LRRC37A2: variants seen among roughly 807,000 people sequenced by gnomAD.
LRRC37A2 encodes leucine-rich repeat-containing protein 37A2.
Under a neutral mutation model 68.8 loss-of-function variants are expected in LRRC37A2, and 9 were observed. The ratio of observed to expected loss-of-function variants is 0.13; its 90% CI spans 0.08 to 0.23. The LOEUF is 0.23. Ranked by LOEUF, LRRC37A2 falls within the 10% of genes least tolerant of loss-of-function variation. The probability of loss-of-function intolerance (pLI) is 1.00; values close to 1 mark genes in which losing one functional copy is unlikely to be tolerated. For missense variants in LRRC37A2, 168 were observed against 950.4 expected, an observed-to-expected ratio of 0.18 and a Z score of 10.82; for synonymous variants, 63 against 367.6, an observed-to-expected ratio of 0.17 and a Z score of 9.48.
chr17:46,987,486 T>G, the LRRC37A2 span, among the ~76,000 whole-genome samples: 3 of 152,140 alleles, frequency 2.0e-5, no homozygotes, highest in African/African-American at 7.2e-5. Flanking sequence ...AAGAAAAAAA[T>G]TATATTTTTT....
At chr17:46,755,269 T>C in the LRRC37A2 span, 1 of 1,453,398 alleles carries the variant, frequency 6.9e-7, no homozygotes, top group East Asian at 2.3e-5. Flanking sequence ...GCAGAGTTGT[T>C]AGAAGGTACC....
At chr17:46,865,036 A>C in the LRRC37A2 span, among the ~76,000 whole-genome samples, 42 of 152,166 alleles carry the variant, frequency 2.8e-4, no homozygotes, top group African/African-American at 1.0e-3. Flanking sequence ...GAGGTGATGG[A>C]TCCTTCTTTG....
chr17:46,768,172 C>G, the LRRC37A2 span: 1 of 1,246,664 alleles, frequency 8.0e-7, no homozygotes, highest in Non-Finnish European at 1.1e-6. This position sits in a 1 kb window ranked among gnomAD's most constrained non-coding sequence, Gnocchi z 5.0. Flanking sequence ...AAAATCCTAG[C>G]TTCCTATTTT....
the LRRC37A2 span, chr17:46,941,107 A>C: frequency 9.8e-7 from 1 of 1,025,492 alleles, no homozygotes; most frequent in Non-Finnish European, 1.2e-6. Flanking sequence ...TTGTGATTTA[A>C]AACAGGTGGG....
the LRRC37A2 span, among the ~76,000 whole-genome samples, chr17:46,977,235 C>T: frequency 6.6e-6 from 1 of 152,202 alleles, no homozygotes; most frequent in African/African-American, 2.4e-5. Flanking sequence ...CTAAAAGCAG[C>T]TAAGACTTCA....
the LRRC37A2 span, among the ~76,000 whole-genome samples, chr17:46,786,178 T>C: frequency 2.0e-5 from 3 of 149,936 alleles, no homozygotes; most frequent in Non-Finnish European, 4.4e-5. Flanking sequence ...CATGGAGCAG[T>C]CTGGTGGGAC....
chr17:46,497,992 G>A, the LRRC37A2 span, among the ~76,000 whole-genome samples: 2 of 149,024 alleles, frequency 1.3e-5, no homozygotes, highest in African/African-American at 2.6e-5. Flanking sequence ...GCAGTGGCAC[G>A]ATCTTGGCTC....
At chr17:46,684,309 T>C in the LRRC37A2 span, among the ~76,000 whole-genome samples, 2 of 129,452 alleles carry the variant, frequency 1.5e-5, no homozygotes, top group South Asian at 5.9e-4. Flanking sequence ...CATGAACTCA[T>C]CTGTTTTTAT....
the LRRC37A2 span, among the ~76,000 whole-genome samples, chr17:46,863,105 T>C: frequency 3.4e-5 from 2 of 59,578 alleles, no homozygotes; most frequent in African/African-American, 1.5e-4. Context: ...CAATCAGTCG[T>C]GGGCTAGGGA....
the LRRC37A2 span, among the ~76,000 whole-genome samples, chr17:46,974,084 G>A: frequency 1.3e-5 from 2 of 152,338 alleles, no homozygotes; most frequent in East Asian, 1.9e-4. Context: ...TACTTCCCCC[G>A]TTCTAGGGGA....
At chr17:46,705,353 A>G in the LRRC37A2 span, among the ~76,000 whole-genome samples, 1 of 150,886 alleles carries the variant, frequency 6.6e-6, no homozygotes, top group African/African-American at 2.4e-5. Context: ...TTCTCTGACT[A>G]CTATAGTTTC....
the LRRC37A2 span, among the ~76,000 whole-genome samples, chr17:46,942,701 C>T: frequency 6.6e-6 from 1 of 152,234 alleles, no homozygotes; most frequent in South Asian, 2.1e-4. Context: ...TCAGGCCTTG[C>T]CCCTAGGGGG....
At chr17:46,800,861 G>C in the LRRC37A2 span, among the ~76,000 whole-genome samples, 246 of 152,304 alleles carry the variant, frequency 1.6e-3, no homozygotes, top group African/African-American at 5.6e-3. Flanking sequence ...CTGAGGGAAG[G>C]CTGCGCAGAG....
At chr17:46,760,457 C>T in the LRRC37A2 span, among the ~76,000 whole-genome samples, 1 of 150,394 alleles carries the variant, frequency 6.6e-6, no homozygotes, top group Non-Finnish European at 1.5e-5. Flanking sequence ...ATAGCAAGAC[C>T]TCATCTCTAA....
chr17:46,915,032 T>G, the LRRC37A2 span, among the ~76,000 whole-genome samples: 2 of 152,238 alleles, frequency 1.3e-5, no homozygotes, highest in African/African-American at 4.8e-5. Context: ...TGGTTATCTA[T>G]TGCTGCATAA....
chr17:46,542,532 G>GATAT (rs1024761002), intron 8 of LRRC37A2, among the ~76,000 whole-genome samples: 6 of 146,170 alleles, frequency 4.1e-5, no homozygotes, highest in Non-Finnish European at 5.9e-5. Context: ...TATAGATATA[G>GATAT]ATATATATAT....
chr17:46,923,084 G>C, the LRRC37A2 span: 4 of 785,094 alleles, frequency 5.1e-6, no homozygotes, highest in South Asian at 2.9e-5. Flanking sequence ...AGCCCTGGCC[G>C]GCAGGGGAGG....
At chr17:46,765,144 T>C in the LRRC37A2 span, among the ~76,000 whole-genome samples, 1 of 152,200 alleles carries the variant, frequency 6.6e-6, no homozygotes, top group African/African-American at 2.4e-5. Flanking sequence ...TCACAAAGGG[T>C]TTGAGGCATT....
At chr17:46,839,434 AG>A in the LRRC37A2 span, among the ~76,000 whole-genome samples, 11 of 152,366 alleles carry the variant, frequency 7.2e-5, no homozygotes, top group Non-Finnish European at 1.3e-4. Context: ...GTTGTATGGT[AG>A]CTGCCACTGG....
Sources: gnomAD v4.1 joint callset for allele counts (sites outside exome capture counted in the v4.1 genomes callset) on GRCh38, gnomAD v4.1.1 for gene constraint, Gnocchi (gnomAD v3.1) non-coding constraint, MANE v1.5 for transcripts, NCBI Gene and HGNC (gene_info 2026-07-23, HGNC 2026-07-21) for gene names.